The following COL4A2 variants were observed in gnomAD, a reference collection of about 807,000 sequenced individuals.
The protein encoded by COL4A2 is collagen type IV alpha 2 chain, also known as collagen alpha-2(IV) chain.
COL4A2 carries 99 observed loss-of-function variants against 200.2 expected under a neutral mutation model. That is an observed-to-expected ratio of 0.49 (90% CI 0.42 to 0.58). The LOEUF is 0.58. Ranked by LOEUF, COL4A2 falls within the 20% of genes least tolerant of loss-of-function variation. The pLI, the probability that COL4A2 is intolerant of heterozygous loss-of-function variation, is 0.00. For synonymous variants in COL4A2, 897 were observed against 900.6 expected, an observed-to-expected ratio of 1.00 and a Z score of 0.07; for missense variants, 1,950 against 2,314.1, an observed-to-expected ratio of 0.84 and a Z score of 3.23.
intron 20 of COL4A2, among the ~76,000 whole-genome samples, chr13:110,456,217 C>T (rs1012871928): frequency 1.3e-5 from 2 of 152,210 alleles, no homozygotes; most frequent in Non-Finnish European, 2.9e-5. Context: ...AGGTGGTGGG[C>T]GAGGTCATCC....
chr13:110,425,352 T>C (rs1459227811), intron 6 of COL4A2, among the ~76,000 whole-genome samples: 1 of 152,232 alleles, frequency 6.6e-6, no homozygotes, highest in Non-Finnish European at 1.5e-5. Flanking sequence ...GCCAAGAGCA[T>C]GGGCAGAATG....
At chr13:110,507,903 G>A (rs1883942499) in intron 46 of COL4A2, 32 bp from the exon 47 acceptor site, 2 of 1,606,228 alleles carry the variant, frequency 1.2e-6, no homozygotes, top group Admixed American at 1.7e-5. Context: ...TAGCCACACT[G>A]CACTGTGATC....
At chr13:110,415,963 TATTGGCACGTGCC>T (rs1283790693) in intron 4 of COL4A2, among the ~76,000 whole-genome samples, 1 of 152,194 alleles carries the variant, frequency 6.6e-6, no homozygotes, top group East Asian at 1.9e-4. Context: ...ACCAGGAAAA[TATTGGCACGTGCC>T]ATTGGCACAT....
In COL4A2 at chr13:110,503,492, G is replaced by C. The variant is rs763492467; in HGVS notation, c.4138+11G>C. On this transcript the variant is annotated intron_variant, in intron 43 of 47. Transcript: ENST00000360467. ...ACCCAGGATTCCCTGGTAAGTGACC[G>C]TCTGGTATCTTCAGAGCTAGTGGCT... 1 of 1,494,128 alleles carries C rather than the reference G, an allele frequency of 6.7e-7. No individual in the cohort carries two copies. The highest frequency in any genetic ancestry group is 9.1e-7 in the Non-Finnish European group (1 of 1,098,230). 92.6% of individuals were successfully genotyped at this position (1,494,128 alleles called of 1,614,324 possible).
intron 4 of COL4A2, among the ~76,000 whole-genome samples, chr13:110,400,507 T>G (rs757519361): frequency 1.3e-4 from 20 of 149,346 alleles, no homozygotes; most frequent in Admixed American, 2.7e-4. Flanking sequence ...TCTAAATGTT[T>G]AAAATATGCT....
At chr13:110,337,046 AGAAATGAGGG>A (rs1876223916) in intron 3 of COL4A2, among the ~76,000 whole-genome samples, 1 of 152,182 alleles carries the variant, frequency 6.6e-6, no homozygotes, top group Non-Finnish European at 1.5e-5. Context: ...AGTTCCAAGG[AGAAATGAGGG>A]GAAATGAGGA....
intron 3 of COL4A2, among the ~76,000 whole-genome samples, chr13:110,311,896 C>T (rs1248954248): frequency 6.6e-6 from 1 of 152,222 alleles, no homozygotes; most frequent in Non-Finnish European, 1.5e-5. Context: ...GTCCTCGGGG[C>T]TCCAGCCCCA....
intron 30 of COL4A2, among the ~76,000 whole-genome samples, chr13:110,478,408 A>G (rs1366168803): frequency 1.3e-5 from 2 of 152,242 alleles, no homozygotes; most frequent in Non-Finnish European, 2.9e-5. Context: ...GGGAAAAAAG[A>G]AAAAGAAAGA....
At position 110,491,276 on chromosome 13, in the gene COL4A2, C is replaced by A; in HGVS notation, c.3390C>A (p.Ile1130=). The A allele has an allele frequency of 6.2e-7, 1 of 1,601,158 alleles. No homozygotes were observed. The highest frequency in any genetic ancestry group is 8.5e-7 in the Non-Finnish European group (1 of 1,173,184). The change falls in exon 37 of 48, where the codon ATC becomes ATA. Residue 1130 remains isoleucine (I), a synonymous_variant. Coordinates refer to ENST00000360467, the MANE Select transcript of COL4A2 (RefSeq NM_001846.4). ...FFGEKGTEGD[I]GFPGITGVTG... ...GAGAGAAGGGAACAGAAGGTGACAT[C>A]GGCTTCCCTGGGATAACAGGCGTGA...
intron 3 of COL4A2, among the ~76,000 whole-genome samples, chr13:110,316,434 C>G (rs1049685664): frequency 1.3e-5 from 2 of 152,170 alleles, no homozygotes; most frequent in Non-Finnish European, 2.9e-5. Flanking sequence ...AGCATCGCAG[C>G]GATGCAGGCC....
chr13:110,513,190 A>G lies in COL4A2; in HGVS notation c.*999A>G, dbSNP rs73618183. On this transcript the variant is annotated 3_prime_UTR_variant, in exon 48 of 48. Transcript: ENST00000360467. ...CATTTCTCGGGGAATGTGTTTGTTT[A>G]TAACTCACTAATGCTTACAGAAAAC... 0.016 allele frequency among the ~76,000 whole-genome samples: 2,380 copies of G among 151,634 alleles called. 58 individuals carry two copies. The highest frequency in any genetic ancestry group is 0.054 in the African/African-American group (2,197 of 40,962).
chr13:110,313,401 T>C (rs1452486870), intron 3 of COL4A2, among the ~76,000 whole-genome samples: 1 of 152,184 alleles, frequency 6.6e-6, no homozygotes, highest in African/African-American at 2.4e-5. Context: ...GTCCTGTTGA[T>C]GTGGCCAGAG....
intron 3 of COL4A2, among the ~76,000 whole-genome samples, chr13:110,309,289 A>C (rs1884906742): frequency 6.6e-6 from 1 of 152,176 alleles, no homozygotes; most frequent in South Asian, 2.1e-4. Context: ...GGACTCGGAG[A>C]CTTTGACCAG....
Position 110,492,112 on chromosome 13 carries a change from T to G in COL4A2, c.3497T>G (p.Leu1166Arg). The G allele has an allele frequency of 6.4e-7, 1 of 1,553,126 alleles. No homozygotes were observed. The highest frequency in any genetic ancestry group is 2.4e-5 in the East Asian group (1 of 41,166). Reference protein sequence around the residue: ...LTGPPGSQGELGRIGLPGGKG... With the variant: ...LTGPPGSQGERGRIGLPGGKG... ...GGGCCTCCAGGGTCGCAGGGAGAGC[T>G]GGGGCGGATTGGACTGCCTGGTGGC... The change falls in exon 38 of 48, where the codon CTG becomes CGG. Residue 1166 changes from leucine (L) to arginine (R), a missense_variant. Coordinates refer to ENST00000360467, the MANE Select transcript of COL4A2 (RefSeq NM_001846.4).
At chr13:110,359,819 C>T (rs1195593271) in intron 4 of COL4A2, among the ~76,000 whole-genome samples, 4 of 152,194 alleles carry the variant, frequency 2.6e-5, no homozygotes, top group Non-Finnish European at 5.9e-5. Context: ...TGTCAAAAAT[C>T]ACAACTGAGG....
chr13:110,449,940 A>G (rs1415524636), intron 19 of COL4A2, 151 bp downstream of exon 19: 1 of 875,232 alleles, frequency 1.1e-6, no homozygotes, highest in South Asian at 1.6e-5. Flanking sequence ...AGCCCCGCAC[A>G]CATGCTTTGG....
At chr13:110,407,736 G>A (rs765037275) in intron 4 of COL4A2, among the ~76,000 whole-genome samples, 5 of 152,154 alleles carry the variant, frequency 3.3e-5, no homozygotes, top group African/African-American at 9.7e-5. Context: ...GGCAGACTCC[G>A]GAGATGCTTG....
At chr13:110,461,827 G>A (rs149308509) in intron 22 of COL4A2, among the ~76,000 whole-genome samples, 20 of 152,118 alleles carry the variant, frequency 1.3e-4, no homozygotes, top group African/African-American at 1.9e-4. Context: ...GAATCACCGC[G>A]CCCGGCCACA....
At chr13:110,445,737 G>C in intron 16 of COL4A2, 92 bp from the exon 17 acceptor site, 1 of 1,483,062 alleles carries the variant, frequency 6.7e-7, no homozygotes, top group Admixed American at 1.7e-5. Flanking sequence ...ATAAACTGTT[G>C]TTCATTTTGT....
Sources: allele counts gnomAD v4.1 joint callset (sites outside exome capture counted in the v4.1 genomes callset), GRCh38; gene constraint gnomAD v4.1.1; transcripts MANE v1.5; gene names NCBI Gene and HGNC (gene_info 2026-07-23, HGNC 2026-07-21).